Variants in USP30 observed in about 807,000 individuals in gnomAD.
The protein encoded by USP30 is ubiquitin carboxyl-terminal hydrolase 30.
USP30 carries 41 observed loss-of-function variants against 68.2 expected under a neutral mutation model. The observed-to-expected ratio is 0.60, with a 90% CI of 0.47 to 0.78. The LOEUF is 0.78. Ranked by LOEUF, USP30 falls within the 30% of genes least tolerant of loss-of-function variation. The probability of loss-of-function intolerance (pLI) is 0.00; values close to 1 mark genes in which losing one functional copy is unlikely to be tolerated. For missense variants in USP30, 522 were observed against 649.4 expected, an observed-to-expected ratio of 0.80 and a Z score of 2.13; for synonymous variants, 229 against 253.7, an observed-to-expected ratio of 0.90 and a Z score of 0.93.
intron 3 of USP30, 112 bp from the exon 4 acceptor site, chr12:109,067,412 C>G: frequency 1.1e-6 from 1 of 927,412 alleles, no homozygotes; most frequent in Non-Finnish European, 1.6e-6. Flanking sequence ...CCACCACACC[C>G]AGCCTGCGGT....
chr12:109,074,487 C>T (rs2041536387), intron 7 of USP30, among the ~76,000 whole-genome samples: 1 of 152,108 alleles, frequency 6.6e-6, no homozygotes, highest in African/African-American at 2.4e-5. Flanking sequence ...TTTTCATTCC[C>T]ACCGGCAGTG....
intron 9 of USP30, 149 bp downstream of exon 9, chr12:109,082,168 C>A: frequency 2.6e-6 from 2 of 777,330 alleles, no homozygotes; most frequent in Non-Finnish European, 4.3e-6. Context: ...TGGACATTGG[C>A]AGCTCATGGA....
chr12:109,079,435 C>T (rs2041732555), intron 7 of USP30, among the ~76,000 whole-genome samples: 1 of 125,632 alleles, frequency 8.0e-6, no homozygotes, highest in Admixed American at 1.0e-4. Context: ...GTGATCATAG[C>T]TCACTGCAGC....
chr12:109,028,511 CTT>C (rs2040460055), intron 3 of USP30, among the ~76,000 whole-genome samples: 1 of 151,816 alleles, frequency 6.6e-6, no homozygotes, highest in East Asian at 1.9e-4. Flanking sequence ...TAGTTTCCCT[CTT>C]GTCGCCCAGA....
chr12:109,029,881 A>G (rs1402204701), intron 3 of USP30, among the ~76,000 whole-genome samples: 1 of 152,158 alleles, frequency 6.6e-6, no homozygotes, highest in East Asian at 1.9e-4. Context: ...TTTGATTAAC[A>G]TTAATGGTAC....
chr12:109,066,261 A>AG (rs1370164292), intron 3 of USP30, among the ~76,000 whole-genome samples: 1 of 151,836 alleles, frequency 6.6e-6, no homozygotes, highest in African/African-American at 2.4e-5. Context: ...AAAAAAAAAA[A>AG]AAAAAGCAAG....
At chr12:109,082,119 G>A in intron 9 of USP30, 100 bp downstream of exon 9, 2 of 1,290,320 alleles carry the variant, frequency 1.5e-6, no homozygotes, top group Non-Finnish European at 1.1e-6. Context: ...TGTATCCAGT[G>A]GGTCTTTTCA....
Position 109,082,020 on chromosome 12 carries a change from G to T in USP30, c.867+1G>T. ...TGTTGTGTGTGACAACTGTACAAAG[G>T]TATGCATTGAACCCCAAATGTCATC... is the stretch of plus-strand genomic sequence containing the variant. On this transcript the variant is annotated splice_donor_variant, in intron 9 of 12. Transcript: ENST00000257548. LOFTEE classifies it high-confidence loss of function. 6.2e-7 allele frequency: 1 copy of T among 1,614,162 alleles called. No homozygotes were observed. The highest frequency in any genetic ancestry group is 8.5e-7 in the Non-Finnish European group (1 of 1,180,020).
intron 3 of USP30, among the ~76,000 whole-genome samples, chr12:109,040,217 G>A (rs1304317623): frequency 1.3e-5 from 2 of 151,940 alleles, no homozygotes; most frequent in Admixed American, 1.3e-4. Context: ...CTGAAGTTTG[G>A]GGAAACTTTA....
At chr12:109,055,867 G>C (rs999179502) in intron 1 of USP30, among the ~76,000 whole-genome samples, 4 of 151,464 alleles carry the variant, frequency 2.6e-5, no homozygotes, top group Admixed American at 2.0e-4. Flanking sequence ...TTAATTTTAT[G>C]TTAGAAGGTG....
chr12:109,041,214 G>A (rs2040562201), intron 3 of USP30, among the ~76,000 whole-genome samples: 2 of 152,226 alleles, frequency 1.3e-5, no homozygotes, highest in African/African-American at 4.8e-5. Flanking sequence ...TTAACAGGAT[G>A]AGGTGACTTT....
chr12:109,085,615 A>T, intron 12 of USP30, 52 bp from the exon 13 acceptor site: 2 of 1,594,864 alleles, frequency 1.3e-6, no homozygotes, highest in African/African-American at 1.3e-5. Flanking sequence ...TTTTGCCTAT[A>T]AAGTCTTTTT....
At chr12:109,031,010 AG>A (rs1350262271) in intron 3 of USP30, among the ~76,000 whole-genome samples, 3 of 152,194 alleles carry the variant, frequency 2.0e-5, no homozygotes, top group East Asian at 3.8e-4. Context: ...TGCTGAGCAA[AG>A]GGTATACCAG....
upstream of USP30, among the ~76,000 whole-genome samples, chr12:109,050,251 G>A (rs1326120117): frequency 1.3e-5 from 2 of 151,980 alleles, no homozygotes; most frequent in South Asian, 2.1e-4. Flanking sequence ...CTGAGATCAC[G>A]CCACTGCACT....
intron 3 of USP30, among the ~76,000 whole-genome samples, chr12:109,066,247 C>CAAAAAA (rs35466141): frequency 1.0e-5 from 1 of 96,034 alleles, no homozygotes. Flanking sequence ...GACCCTGTCT[C>CAAAAAA]AAAAAAAAAA....
chr12:109,026,847 T>G (rs2040448738), intron 2 of USP30, among the ~76,000 whole-genome samples: 1 of 152,140 alleles, frequency 6.6e-6, no homozygotes, highest in Admixed American at 6.5e-5. Context: ...TGGTGAGGGC[T>G]CTCTTCCCAG....
chr12:109,078,480 T>G (rs1448789272), intron 7 of USP30, among the ~76,000 whole-genome samples: 1 of 151,116 alleles, frequency 6.6e-6, no homozygotes, highest in Non-Finnish European at 1.5e-5. Flanking sequence ...TATGCAAGAG[T>G]TGCCTTCTCT....
At chr12:109,054,095 T>C in intron 1 of USP30, 1 of 455,270 alleles carries the variant, frequency 2.2e-6, no homozygotes, top group Non-Finnish European at 4.4e-6. Flanking sequence ...ATATTAGTGT[T>C]TGATTAGGGG....
rs774239235 is a variant in USP30, at chr12:109,056,716, G to A, written c.118G>A (p.Gly40Arg). Residue 40 changes from glycine to arginine, a missense_variant, in exon 2 of 13, where the codon GGA becomes AGA. Physicochemically the swap from Gly to Arg is moderately radical, Grantham distance 125. Coordinates refer to ENST00000257548, the MANE Select transcript of USP30 (RefSeq NM_032663.5). ...CATGAAGAACTGGGGAGTTATAGGTGGAATTGCTGCTGCTCTTGCAGCAGG... is the reference window on the plus strand; with the variant it reads ...CATGAAGAACTGGGGAGTTATAGGTAGAATTGCTGCTGCTCTTGCAGCAGG... ...KVMKNWGVIGGIAAALAAGIY... is the reference protein window; with the variant it reads ...KVMKNWGVIGRIAAALAAGIY... 1 of 1,612,134 alleles carries A rather than the reference G, an allele frequency of 6.2e-7. No individual in the cohort carries two copies. The highest frequency in any genetic ancestry group is 1.3e-5 in the African/African-American group (1 of 74,826).
Sources: gnomAD v4.1 joint callset for allele counts (sites outside exome capture counted in the v4.1 genomes callset) on GRCh38, gnomAD v4.1.1 for gene constraint, MANE v1.5 for transcripts, NCBI Gene and HGNC (gene_info 2026-07-23, HGNC 2026-07-21) for gene names.